STAB2: variants seen among roughly 807,000 people sequenced by gnomAD.
The protein encoded by STAB2 is stabilin-2.
STAB2 carries 288 observed loss-of-function variants against 338.1 expected under a neutral mutation model. The ratio of observed to expected loss-of-function variants is 0.85; its 90% CI spans 0.77 to 0.94. The LOEUF is 0.94. STAB2 is among the 40% of genes least tolerant of loss of function. STAB2 has a pLI of 0.00. For missense variants in STAB2, 3,141 were observed against 3,210.1 expected, an observed-to-expected ratio of 0.98 and a Z score of 0.52; for synonymous variants, 1,202 against 1,193.3, an observed-to-expected ratio of 1.01 and a Z score of -0.15.
chr12:103,637,876 C>G (rs1468667833), intron 7 of STAB2, 140 bp from the exon 8 acceptor site: 1 of 871,806 alleles, frequency 1.1e-6, no homozygotes, highest in African/African-American at 1.7e-5. Flanking sequence ...CTGTCTGGTT[C>G]AGGGGGAAAT....
At chr12:103,735,809 C>G (rs1882073642) in intron 52 of STAB2, among the ~76,000 whole-genome samples, 1 of 152,166 alleles carries the variant, frequency 6.6e-6, no homozygotes, top group African/African-American at 2.4e-5. Context: ...TGGCAGGAAG[C>G]CTCTTACACT....
intron 68 of STAB2, among the ~76,000 whole-genome samples, chr12:103,764,008 T>G (rs539922546): frequency 4.0e-5 from 6 of 151,834 alleles, no homozygotes; most frequent in Non-Finnish European, 8.8e-5. Context: ...TTCTTTGAGA[T>G]GGAGTCTCAC....
chr12:103,692,817 C>G lies in STAB2; in HGVS notation c.3303C>G (p.Ile1101Met). The change falls in exon 31 of 69, where the codon ATC becomes ATG. Residue 1101 changes from isoleucine (I) to methionine (M), a missense_variant. By Grantham distance (10) the Ile-to-Met change is conservative. Coordinates refer to ENST00000388887, the MANE Select transcript of STAB2 (RefSeq NM_017564.10). Reference protein sequence around the residue: ...FLHLAKVDGNITIEGASIVDG... With the variant: ...FLHLAKVDGNMTIEGASIVDG... ...ACTGTGGTTTGCATTTACAGAATAT[C>G]ACAATTGAAGGGGCCTCCATTGTCG... 1.9e-6 allele frequency: 3 copies of G among 1,613,152 alleles called. No individual in the cohort carries two copies. The highest frequency in any genetic ancestry group is 2.5e-6 in the Non-Finnish European group (3 of 1,179,346).
chr12:103,731,987 T>C (rs538778124), intron 50 of STAB2, among the ~76,000 whole-genome samples: 2 of 152,338 alleles, frequency 1.3e-5, no homozygotes, highest in Admixed American at 6.5e-5. Context: ...TTGGGAACTC[T>C]ATGCCTGTGA....
intron 24 of STAB2, 33 bp downstream of exon 24, chr12:103,676,054 G>GTTTATT: frequency 2.9e-6 from 3 of 1,037,704 alleles, no homozygotes; most frequent in Non-Finnish European, 4.0e-6. Flanking sequence ...ACCCTGCCTG[G>GTTTATT]TTTCTTTTTT....
At chr12:103,595,419 GA>G (rs963877994) in intron 3 of STAB2, among the ~76,000 whole-genome samples, 1 of 151,886 alleles carries the variant, frequency 6.6e-6, no homozygotes, top group Non-Finnish European at 1.5e-5. Flanking sequence ...TATAAAGAAA[GA>G]AAAAATATCA....
rs199757471 is a variant in STAB2 at position 103,749,127 on chromosome 12, G to A, written c.6409G>A (p.Glu2137Lys). 125 of 1,607,806 alleles carry A rather than the reference G, an allele frequency of 7.8e-5. No individual in the cohort carries two copies. Among genetic ancestry groups the A allele is most frequent in the East Asian group, 2.0e-4 (9 of 44,696 alleles). Reference protein sequence around the residue: ...CADGLNGGCHEHATCKMTGPG... With the variant: ...CADGLNGGCHKHATCKMTGPG... ...AGACGGCCTTAACGGAGGGTGTCAC[G>A]AGCACGCCACCTGTAAGATGACAGG... The change falls in exon 59 of 69, where the codon GAG becomes AAG. Residue 2137 changes from glutamate to lysine, a missense_variant. By Grantham distance (56) the Glu-to-Lys change is moderately conservative. Coordinates refer to ENST00000388887, the MANE Select transcript of STAB2 (RefSeq NM_017564.10).
chr12:103,644,885 A>G (rs188552259), intron 9 of STAB2, among the ~76,000 whole-genome samples: 33 of 152,384 alleles, frequency 2.2e-4, no homozygotes, highest in Non-Finnish European at 4.1e-4. Flanking sequence ...ATTATTATGC[A>G]TTGCATGTCT....
chr12:103,716,843 G>T (rs897540739), intron 43 of STAB2, among the ~76,000 whole-genome samples: 3 of 152,146 alleles, frequency 2.0e-5, no homozygotes, highest in African/African-American at 7.2e-5. Flanking sequence ...CCAGTCCTAG[G>T]GGGCAGTAAA....
chr12:103,731,840 T>C (rs1881660069), intron 50 of STAB2, among the ~76,000 whole-genome samples: 1 of 152,202 alleles, frequency 6.6e-6, no homozygotes, highest in African/African-American at 2.4e-5. Flanking sequence ...CTATATAATG[T>C]ACATTGGCTG....
At chr12:103,735,726 A>AT (rs1390306530) in intron 52 of STAB2, 146 bp downstream of exon 52, 8 of 648,066 alleles carry the variant, frequency 1.2e-5, no homozygotes, top group Non-Finnish European at 2.0e-5. Flanking sequence ...CTTCAGAGGT[A>AT]TTTTTCCTGA....
chr12:103,685,024 CTG>C lies in STAB2; in HGVS notation c.2941_2942del (p.Val981LeufsTer6), dbSNP rs1257738586. 1 of 1,613,864 alleles carries C rather than the reference CTG, an allele frequency of 6.2e-7. No individual in the cohort carries two copies. The highest frequency in any genetic ancestry group is 1.3e-5 in the African/African-American group (1 of 74,888). ...AATCTACTTCGTCTGGTGTCTGGAG[CTG>C]TGTTTGTCAAGAGGGCTATGAAGGA... ...CQSTSSGVWSCVCQEGYEGDG... is the reference protein window; with the variant it reads ...CQSTSSGVWSXVCQEGYEGDG... On this transcript the variant is annotated frameshift_variant, in exon 27 of 69. Transcript: ENST00000388887. LOFTEE classifies it high-confidence loss of function.
chr12:103,694,223 C>T (rs1878205000), intron 31 of STAB2, among the ~76,000 whole-genome samples: 1 of 152,144 alleles, frequency 6.6e-6, no homozygotes, highest in African/African-American at 2.4e-5. Context: ...GTTGCAAACT[C>T]CTAGAGAAAG....
At chr12:103,746,174 A>G (rs985624629) in intron 57 of STAB2, 1 of 163,258 alleles carries the variant, frequency 6.1e-6, no homozygotes. Flanking sequence ...CCCAGCCAAT[A>G]CCAAAGCTCC....
At chr12:103,695,865 C>T (rs1388496356) in intron 33 of STAB2, 21 bp downstream of exon 33, 12 of 1,606,514 alleles carry the variant, frequency 7.5e-6, no homozygotes, top group African/African-American at 1.3e-5. Flanking sequence ...AGAACTATAA[C>T]TAGGGAAGTT....
intron 3 of STAB2, among the ~76,000 whole-genome samples, chr12:103,600,316 GC>G (rs1956935419): frequency 1.3e-5 from 2 of 152,178 alleles, no homozygotes; most frequent in African/African-American, 4.8e-5. Context: ...GATGTCTCAG[GC>G]CACAGCAAAG....
At position 103,737,733 on chromosome 12, in the gene STAB2, C is replaced by T. The variant is rs751013911; in HGVS notation, c.5650C>T (p.Pro1884Ser). ...CGGCATTGACTGTCTGCTGATTGAT[C>T]CCACCCTGGGGGGCCGCTGTGACAC... is the stretch of plus-strand genomic sequence containing the variant. ...AYGIDCLLID[P>S]TLGGRCDTFT... Residue 1884 changes from proline to serine, a missense_variant, in exon 53 of 69, where the codon CCC becomes TCC. Pro to Ser is a moderately conservative substitution (Grantham distance 74). Coordinates refer to ENST00000388887, the MANE Select transcript of STAB2 (RefSeq NM_017564.10). 2.5e-6 allele frequency: 4 copies of T among 1,613,514 alleles called. No homozygotes were observed. The highest frequency in any genetic ancestry group is 2.2e-5 in the South Asian group (2 of 91,054).
chr12:103,628,260 TG>T (rs1957410124), intron 5 of STAB2, among the ~76,000 whole-genome samples: 1 of 152,238 alleles, frequency 6.6e-6, no homozygotes, highest in African/African-American at 2.4e-5. Flanking sequence ...TGTGATACAC[TG>T]GTAGTAATGA....
intron 5 of STAB2, among the ~76,000 whole-genome samples, chr12:103,629,255 C>A (rs1434050220): frequency 6.6e-6 from 1 of 152,204 alleles, no homozygotes; most frequent in African/African-American, 2.4e-5. Context: ...TCACCATATC[C>A]ATGGAGGAAA....
Sources: gnomAD v4.1 joint callset for allele counts (sites outside exome capture counted in the v4.1 genomes callset) on GRCh38, gnomAD v4.1.1 for gene constraint, MANE v1.5 for transcripts, NCBI Gene and HGNC (gene_info 2026-07-23, HGNC 2026-07-21) for gene names.